The following CHODL variants were observed in gnomAD, a reference collection of about 807,000 sequenced individuals.
The protein encoded by CHODL is transmembrane protein MT75.
Under a neutral mutation model 34.5 loss-of-function variants are expected in CHODL, and 29 were observed. That is an observed-to-expected ratio of 0.84 (90% CI 0.63 to 1.15). The LOEUF (loss-of-function observed/expected upper bound fraction) is 1.15, where lower values mean the gene tolerates loss of function less well. CHODL is among the 50% of genes most tolerant of loss of function. CHODL has a pLI of 0.00. For synonymous variants in CHODL, 125 were observed against 116.1 expected, an observed-to-expected ratio of 1.08 and a Z score of -0.49; for missense variants, 332 against 332.5, an observed-to-expected ratio of 1.00 and a Z score of 0.01.
At chr21:17,968,094 ATC>A (rs2063587106) in intron 1 of CHODL, among the ~76,000 whole-genome samples, 1 of 152,184 alleles carries the variant, frequency 6.6e-6, no homozygotes. Flanking sequence ...TCCTTAGGCC[ATC>A]TGCCTTTTGC....
chr21:18,024,690 G>C (rs2064156985), intron 1 of CHODL: 1 of 152,128 alleles, frequency 6.6e-6, no homozygotes, highest in Non-Finnish European at 1.5e-5. Flanking sequence ...CTCATTCTTT[G>C]ATGATATCAT....
At chr21:18,164,215 A>G (rs1297157837) in intron 2 of CHODL, among the ~76,000 whole-genome samples, 7 of 152,202 alleles carry the variant, frequency 4.6e-5, no homozygotes, top group African/African-American at 1.7e-4. Flanking sequence ...CCTCAATTAA[A>G]TTGAAAGTCT....
intron 1 of CHODL, among the ~76,000 whole-genome samples, chr21:18,014,097 C>T (rs905026593): frequency 5.9e-5 from 9 of 152,176 alleles, no homozygotes; most frequent in African/African-American, 2.2e-4. Context: ...TAGGTTACTC[C>T]CTTCAAAGAA....
At chr21:17,949,817 T>C (rs947816867) in intron 1 of CHODL, among the ~76,000 whole-genome samples, 3 of 152,176 alleles carry the variant, frequency 2.0e-5, no homozygotes, top group African/African-American at 7.2e-5. Context: ...TTGTTTCTTA[T>C]ATCTGAGATC....
chr21:18,221,476 T>G (rs982354750), intron 2 of CHODL, among the ~76,000 whole-genome samples: 1 of 152,220 alleles, frequency 6.6e-6, no homozygotes, highest in Non-Finnish European at 1.5e-5. Flanking sequence ...TACTTCCTTA[T>G]GTTGATATGT....
At chr21:18,092,913 G>A (rs2065091270) in intron 2 of CHODL, among the ~76,000 whole-genome samples, 1 of 152,096 alleles carries the variant, frequency 6.6e-6, no homozygotes, top group Non-Finnish European at 1.5e-5. Flanking sequence ...GATGGGGTGG[G>A]AAATTTATTC....
chr21:18,046,180 C>T (rs192423767), intron 2 of CHODL, among the ~76,000 whole-genome samples: 96 of 151,912 alleles, frequency 6.3e-4, no homozygotes, highest in African/African-American at 2.3e-3. Context: ...AAAAGCAGGC[C>T]AACGCCAGAT....
chr21:17,984,634 T>C (rs1284055690), intron 1 of CHODL, among the ~76,000 whole-genome samples: 1 of 152,146 alleles, frequency 6.6e-6, no homozygotes, highest in African/African-American at 2.4e-5. Context: ...ACATTTATTT[T>C]TTAATATAGT....
chr21:17,929,872 T>G (rs2063257661), intron 1 of CHODL, among the ~76,000 whole-genome samples: 1 of 151,876 alleles, frequency 6.6e-6, no homozygotes, highest in Non-Finnish European at 1.5e-5. Flanking sequence ...CCCAAAGATG[T>G]GTATCACGGC....
intron 2 of CHODL, among the ~76,000 whole-genome samples, chr21:18,121,442 A>G (rs2146577557): frequency 6.6e-6 from 1 of 152,340 alleles, no homozygotes; most frequent in South Asian, 2.1e-4. Flanking sequence ...CCAGACTTAT[A>G]GAGCCAACTG....
chr21:18,074,514 GAT>G (rs1034875518), intron 2 of CHODL, among the ~76,000 whole-genome samples: 1 of 152,140 alleles, frequency 6.6e-6, no homozygotes, highest in African/African-American at 2.4e-5. Context: ...AAGAATAGAT[GAT>G]ATAGAGAGGG....
chr21:18,261,933 T>C (rs2074387356), intron 4 of CHODL, among the ~76,000 whole-genome samples: 1 of 152,102 alleles, frequency 6.6e-6, no homozygotes, highest in Non-Finnish European at 1.5e-5. Context: ...ATATATTTCA[T>C]TTTAATCCCA....
chr21:18,232,644 A>C (rs1189378061), intron 2 of CHODL, among the ~76,000 whole-genome samples: 1 of 151,996 alleles, frequency 6.6e-6, no homozygotes, highest in African/African-American at 2.4e-5. Context: ...TAGCAGTATT[A>C]AATTTTTAAA....
upstream of CHODL, among the ~76,000 whole-genome samples, chr21:18,244,615 T>A (rs1042179095): frequency 2.6e-5 from 4 of 152,146 alleles, no homozygotes; most frequent in African/African-American, 9.7e-5. Flanking sequence ...ACAAAGAGTA[T>A]CCAGTCCGCT....
chr21:18,105,535 T>C (rs915696352), intron 2 of CHODL, among the ~76,000 whole-genome samples: 8 of 152,130 alleles, frequency 5.3e-5, no homozygotes, highest in African/African-American at 7.2e-5. Flanking sequence ...CAAGAGTGCT[T>C]ATAGGCCATG....
intron 1 of CHODL, among the ~76,000 whole-genome samples, chr21:17,946,799 G>A (rs982390104): frequency 5.9e-5 from 9 of 152,140 alleles, no homozygotes; most frequent in Non-Finnish European, 1.3e-4. Flanking sequence ...CCTTACCAGT[G>A]AAGTGAGTCT....
intron 2 of CHODL, among the ~76,000 whole-genome samples, chr21:18,042,753 A>C (rs2064391858): frequency 6.6e-6 from 1 of 151,940 alleles, no homozygotes; most frequent in Admixed American, 6.6e-5. Flanking sequence ...AGAAGGTGAA[A>C]TAATAGAGAT....
intron 2 of CHODL, among the ~76,000 whole-genome samples, chr21:18,090,735 A>G (rs1322422295): frequency 6.6e-6 from 1 of 151,366 alleles, no homozygotes; most frequent in Admixed American, 6.6e-5. Context: ...AGAAAAAAAA[A>G]AAAAAAAAAA....
intron 1 of CHODL, among the ~76,000 whole-genome samples, chr21:17,947,802 A>G (rs2063423509): frequency 6.6e-6 from 1 of 152,088 alleles, no homozygotes; most frequent in African/African-American, 2.4e-5. Context: ...CCACTCCTAG[A>G]TATCTGTCCA....
Sources: allele counts gnomAD v4.1 joint callset (sites outside exome capture counted in the v4.1 genomes callset), GRCh38; gene constraint gnomAD v4.1.1; transcripts MANE v1.5; gene names NCBI Gene and HGNC (gene_info 2026-07-23, HGNC 2026-07-21).